The following LDLRAD3 variants were observed in gnomAD, a reference collection of about 807,000 sequenced individuals.
LDLRAD3 encodes the protein low-density lipoprotein receptor class A domain-containing protein 3.
Under a neutral mutation model 29.4 loss-of-function variants are expected in LDLRAD3, and 20 were observed. The observed-to-expected ratio is 0.68, with a 90% CI of 0.48 to 0.99. The LOEUF (loss-of-function observed/expected upper bound fraction) is 0.99, where lower values mean the gene tolerates loss of function less well. Ranked by LOEUF, LDLRAD3 falls within the 50% of genes least tolerant of loss-of-function variation. The pLI is 0.00. For synonymous variants in LDLRAD3, 157 were observed against 192.7 expected, an observed-to-expected ratio of 0.81 and a Z score of 1.53; for missense variants, 420 against 454.3, an observed-to-expected ratio of 0.92 and a Z score of 0.69.
chr11:35,946,929 G>A (rs1380371522), intron 1 of LDLRAD3, among the ~76,000 whole-genome samples: 5 of 152,190 alleles, frequency 3.3e-5, no homozygotes, highest in Non-Finnish European at 7.3e-5. Context: ...AACACACCTT[G>A]TTGCTTTTCA....
chr11:36,087,874 A>T (rs1217328649), intron 3 of LDLRAD3, among the ~76,000 whole-genome samples: 1 of 151,948 alleles, frequency 6.6e-6, no homozygotes, highest in African/African-American at 2.4e-5. Flanking sequence ...CTACCACACC[A>T]GGCTAAATTT....
intron 2 of LDLRAD3, among the ~76,000 whole-genome samples, chr11:36,078,126 G>GT (rs1345354526): frequency 6.6e-6 from 1 of 152,182 alleles, no homozygotes; most frequent in African/African-American, 2.4e-5. Context: ...TGAGTCCGGA[G>GT]TTTTTATGAG....
Position 36,187,167 on chromosome 11 carries a change from T to C in LDLRAD3, c.455-39918T>C, listed in dbSNP as rs150245829. Among the ~76,000 whole-genome samples, 79 of 152,314 alleles carry C rather than the reference T, an allele frequency of 5.2e-4. 1 individual carries two copies. Among genetic ancestry groups the C allele is most frequent in the Middle Eastern group, 3.4e-3 (1 of 294 alleles). On this transcript the variant is annotated intron_variant, in intron 4 of 5. Transcript: ENST00000315571. ...TCAGATCCTAGGGTTTTTTTTACTC[T>C]TTTAATTTACATTTAGTCTTTCCTT...
At chr11:36,014,541 A>G (rs960060969) in intron 1 of LDLRAD3, among the ~76,000 whole-genome samples, 2 of 152,142 alleles carry the variant, frequency 1.3e-5, no homozygotes, top group Non-Finnish European at 2.9e-5. Context: ...GGCCCATCAC[A>G]CCTGCTCCCT....
chr11:35,951,949 T>C (rs1851140575), intron 1 of LDLRAD3, among the ~76,000 whole-genome samples: 1 of 152,206 alleles, frequency 6.6e-6, no homozygotes, highest in Non-Finnish European at 1.5e-5. Context: ...TCAGAGATGT[T>C]ACAACATCAA....
intron 4 of LDLRAD3, among the ~76,000 whole-genome samples, chr11:36,148,077 G>C (rs1854224335): frequency 1.3e-5 from 2 of 152,032 alleles, no homozygotes; most frequent in South Asian, 4.1e-4. Context: ...CACCATGTTG[G>C]CCAGGCTGGT....
intron 1 of LDLRAD3, among the ~76,000 whole-genome samples, chr11:36,019,645 C>T (rs972856748): frequency 1.8e-4 from 28 of 152,160 alleles, no homozygotes; most frequent in African/African-American, 6.5e-4. Context: ...CTTACCTCTC[C>T]AGTAGTAAAG....
At chr11:36,040,259 T>C (rs1443437372) in intron 2 of LDLRAD3, among the ~76,000 whole-genome samples, 2 of 152,122 alleles carry the variant, frequency 1.3e-5, no homozygotes, top group African/African-American at 4.8e-5. Flanking sequence ...GCAGCTCTTC[T>C]GTATCCACAG....
chr11:36,042,714 A>G (rs1852397714), intron 2 of LDLRAD3, among the ~76,000 whole-genome samples: 2 of 152,368 alleles, frequency 1.3e-5, no homozygotes, highest in South Asian at 4.1e-4. Flanking sequence ...CTAATCCAAT[A>G]CGACTGGAGT....
chr11:36,025,927 G>T (rs1474979467), intron 1 of LDLRAD3, among the ~76,000 whole-genome samples: 2 of 151,370 alleles, frequency 1.3e-5, no homozygotes, highest in Non-Finnish European at 2.9e-5. Flanking sequence ...TTATAGGCAT[G>T]CACCACCAAG....
intron 2 of LDLRAD3, among the ~76,000 whole-genome samples, chr11:36,066,174 T>TC (rs1565197433): frequency 6.6e-6 from 1 of 151,734 alleles, no homozygotes; most frequent in African/African-American, 2.4e-5. Context: ...TTTTTTTTTT[T>TC]CTTACTTTTT....
At chr11:36,113,220 AAGAGATCCC>A (rs147265810) in intron 4 of LDLRAD3, among the ~76,000 whole-genome samples, 2,974 of 152,260 alleles carry the variant, frequency 0.02, 101 homozygotes, top group African/African-American at 0.068. Context: ...TGCCATAACA[AAGAGATCCC>A]ATCGTGAAGT....
chr11:35,948,855 G>A (rs1287411270), intron 1 of LDLRAD3, among the ~76,000 whole-genome samples: 1 of 152,088 alleles, frequency 6.6e-6, no homozygotes, highest in African/African-American at 2.4e-5. Context: ...GGTCACAGCA[G>A]CATCACTAGT....
At chr11:36,187,377 T>G (rs1433461138) in intron 4 of LDLRAD3, among the ~76,000 whole-genome samples, 1 of 152,182 alleles carries the variant, frequency 6.6e-6, no homozygotes, top group East Asian at 1.9e-4. Context: ...TACAAATATA[T>G]AGATGTGTAG....
intron 4 of LDLRAD3, among the ~76,000 whole-genome samples, chr11:36,152,949 C>A (rs1292588515): frequency 6.6e-6 from 1 of 152,122 alleles, no homozygotes; most frequent in South Asian, 2.1e-4. Context: ...GTCAAGGGTA[C>A]AATCAAGCAG....
At chr11:36,104,136 G>A (rs2133280019) in intron 4 of LDLRAD3, among the ~76,000 whole-genome samples, 1 of 152,308 alleles carries the variant, frequency 6.6e-6, no homozygotes, top group South Asian at 2.1e-4. Flanking sequence ...CACTCTTGAG[G>A]CAAGCCAGCT....
intron 1 of LDLRAD3, among the ~76,000 whole-genome samples, chr11:35,951,307 A>T (rs1393620991): frequency 1.3e-5 from 2 of 152,208 alleles, no homozygotes; most frequent in Admixed American, 1.3e-4. Flanking sequence ...ACACAGAGAC[A>T]TAATTTAATG....
intron 4 of LDLRAD3, among the ~76,000 whole-genome samples, chr11:36,112,179 A>G (rs1853615567): frequency 6.6e-6 from 1 of 152,202 alleles, no homozygotes; most frequent in South Asian, 2.1e-4. Context: ...TTGTTGTTGC[A>G]ACATTATTCC....
At chr11:36,143,826 A>C (rs1206314590) in intron 4 of LDLRAD3, among the ~76,000 whole-genome samples, 1 of 152,068 alleles carries the variant, frequency 6.6e-6, no homozygotes, top group Non-Finnish European at 1.5e-5. Flanking sequence ...AAAACAAAAC[A>C]AAAACCTCAT....
Sources: allele counts gnomAD v4.1 joint callset (sites outside exome capture counted in the v4.1 genomes callset), GRCh38; gene constraint gnomAD v4.1.1; transcripts MANE v1.5; gene names NCBI Gene and HGNC (gene_info 2026-07-23, HGNC 2026-07-21).